EPHA3: variants seen among roughly 807,000 people sequenced by gnomAD.
The protein encoded by EPHA3 is EPH receptor A3, also known as ephrin type-A receptor 3.
A neutral mutation model predicts 107.1 loss-of-function variants in EPHA3; 42 were observed. The ratio of observed to expected loss-of-function variants is 0.39; its 90% CI spans 0.31 to 0.51. The LOEUF (loss-of-function observed/expected upper bound fraction) is 0.51, where lower values mean the gene tolerates loss of function less well. EPHA3 is among the 20% of genes least tolerant of loss of function. The pLI is 0.78. For synonymous variants in EPHA3, 461 were observed against 424.8 expected, an observed-to-expected ratio of 1.09 and a Z score of -1.05; for missense variants, 1,183 against 1,211.2, an observed-to-expected ratio of 0.98 and a Z score of 0.35.
intron 3 of EPHA3, among the ~76,000 whole-genome samples, chr3:89,235,168 C>A (rs956307951): frequency 6.6e-6 from 1 of 151,626 alleles, no homozygotes; most frequent in African/African-American, 2.4e-5. Context: ...GTGATCCACC[C>A]ACCTCGACGT....
intron 5 of EPHA3, among the ~76,000 whole-genome samples, chr3:89,361,054 G>C (rs1460909346): frequency 6.6e-6 from 1 of 150,888 alleles, no homozygotes; most frequent in Non-Finnish European, 1.5e-5. Flanking sequence ...TGGGCACTTG[G>C]CAAGTCTTTC....
chr3:89,445,544 AGCACT>A (rs1709862898), intron 13 of EPHA3, among the ~76,000 whole-genome samples: 1 of 152,190 alleles, frequency 6.6e-6, no homozygotes, highest in African/African-American at 2.4e-5. Context: ...AAACATTTAA[AGCACT>A]GCACCCTGGT....
chr3:89,360,318 C>T (rs1281990951), intron 5 of EPHA3, among the ~76,000 whole-genome samples: 1 of 150,738 alleles, frequency 6.6e-6, no homozygotes, highest in Non-Finnish European at 1.5e-5. Context: ...ATAATAATTG[C>T]TTGTCCACAT....
intron 3 of EPHA3, among the ~76,000 whole-genome samples, chr3:89,294,678 C>G (rs1425036634): frequency 6.6e-6 from 1 of 152,064 alleles, no homozygotes; most frequent in Non-Finnish European, 1.5e-5. Flanking sequence ...TTTATTTGGG[C>G]CTCCTAAAAT....
chr3:89,114,957 G>T lies in EPHA3; in HGVS notation c.88+7121G>T, dbSNP rs1223599059. Among the ~76,000 whole-genome samples, 6 of 152,178 alleles carry T rather than the reference G, an allele frequency of 3.9e-5. No individual in the cohort carries two copies. The South Asian group carries it at 8.3e-4, about 21-fold the overall frequency. On this transcript the variant is annotated intron_variant, in intron 1 of 16. Transcript: ENST00000336596. ...ATCTACGATCGCCCTGCCGCCTTTC[G>T]CATTGCTGTCAGCTAGGCTTTTCAG...
chr3:89,229,836 C>T (rs1204934725), intron 3 of EPHA3, among the ~76,000 whole-genome samples: 2 of 151,758 alleles, frequency 1.3e-5, no homozygotes, highest in Non-Finnish European at 2.9e-5. Flanking sequence ...AGAACTTGAT[C>T]GTTTATTTTT....
rs566164695 is a variant in EPHA3 at position 89,229,762 on chromosome 3, T to C, written c.814+19242T>C. Among the ~76,000 whole-genome samples, 13 of 151,950 alleles carry C rather than the reference T, an allele frequency of 8.6e-5. No homozygotes were observed. The South Asian group carries it at 1.5e-3, about 17-fold the overall frequency. On this transcript the variant is annotated intron_variant, in intron 3 of 16. Transcript: ENST00000336596. ...TTAGCATAATATTTTAAATGGCGAG[T>C]TAATTGGAAATATGAACCCAAGGGA...
intron 2 of EPHA3, among the ~76,000 whole-genome samples, chr3:89,193,719 AAAT>A (rs1285153379): frequency 6.6e-6 from 1 of 152,004 alleles, no homozygotes; most frequent in Non-Finnish European, 1.5e-5. Context: ...TTGTCAATTA[AAAT>A]AATATTTTAA....
rs572467749 is a variant in EPHA3 at position 89,221,315 on chromosome 3, A to G, written c.814+10795A>G. ...TGGGAGTGATTGTGTTCCTTAAGCT[A>G]TTCACTTGTTTTTGCTTTTTGGATA... is the stretch of plus-strand genomic sequence containing the variant. On this transcript the variant is annotated intron_variant, in intron 3 of 16. Coordinates refer to ENST00000336596, the MANE Select transcript of EPHA3 (RefSeq NM_005233.6). 2.5e-4 allele frequency among the ~76,000 whole-genome samples: 38 copies of G among 152,228 alleles called. No individual in the cohort carries two copies. In the East Asian group the frequency reaches 6.6e-3, roughly 26 times the overall value.
chr3:89,454,850 C>T (rs991234832), intron 15 of EPHA3, among the ~76,000 whole-genome samples: 2 of 151,752 alleles, frequency 1.3e-5, no homozygotes, highest in African/African-American at 4.8e-5. Flanking sequence ...TTAAATGGGC[C>T]AGGCATGGTG....
rs546603456 is a variant in EPHA3 at position 89,295,683 on chromosome 3, C to T, written c.815-45233C>T. Reference sequence around the variant, plus strand: ...CTCAGCTCGCTGCAACCTCTGCCACCGGGTTCAAGAGATTCTCATGCCTCA... The same window carrying T: ...CTCAGCTCGCTGCAACCTCTGCCACTGGGTTCAAGAGATTCTCATGCCTCA... On this transcript the variant is annotated intron_variant, in intron 3 of 16. Transcript: ENST00000336596. Among the ~76,000 whole-genome samples the T allele has an allele frequency of 5.4e-3, 826 of 152,204 alleles. 3 individuals are homozygous for T. The highest frequency in any genetic ancestry group is 8.3e-3 in the Non-Finnish European group (563 of 67,994).
chr3:89,374,307 T>C (rs1708363271), intron 5 of EPHA3, among the ~76,000 whole-genome samples: 1 of 151,894 alleles, frequency 6.6e-6, no homozygotes, highest in East Asian at 1.9e-4. Flanking sequence ...GAAAACGTCA[T>C]GAGTGCCTAC....
At chr3:89,454,184 C>T (rs183929990) in intron 15 of EPHA3, among the ~76,000 whole-genome samples, 2 of 152,064 alleles carry the variant, frequency 1.3e-5, no homozygotes, top group Admixed American at 6.6e-5. Context: ...GGTGATATTG[C>T]TTGTCAATAT....
chr3:89,379,240 G>A (rs1014487251), intron 5 of EPHA3, among the ~76,000 whole-genome samples: 23 of 152,212 alleles, frequency 1.5e-4, no homozygotes, highest in African/African-American at 5.5e-4. Context: ...ATTTGTTTGG[G>A]ATAAAAAGAG....
At chr3:89,396,061 G>A (rs1032475079) in intron 6 of EPHA3, 100 bp downstream of exon 6, 10 of 1,502,196 alleles carry the variant, frequency 6.7e-6, no homozygotes, top group Middle Eastern at 1.8e-4. Context: ...CTGGTAAATG[G>A]TAGAGCACTG....
At chr3:89,125,222 A>G (rs1704069809) in intron 1 of EPHA3, among the ~76,000 whole-genome samples, 1 of 151,796 alleles carries the variant, frequency 6.6e-6, no homozygotes, top group Non-Finnish European at 1.5e-5. Flanking sequence ...TTAAACCCCT[A>G]AGGACATTGC....
chr3:89,443,919 G>GA (rs967126888), intron 13 of EPHA3, among the ~76,000 whole-genome samples: 18 of 151,884 alleles, frequency 1.2e-4, no homozygotes, highest in African/African-American at 4.1e-4. Flanking sequence ...CAGAAAAAAG[G>GA]AAAAAAAGCC....
chr3:89,244,586 ATAG>A (rs1704988502), intron 3 of EPHA3, among the ~76,000 whole-genome samples: 1 of 152,276 alleles, frequency 6.6e-6, no homozygotes, highest in African/African-American at 2.4e-5. Context: ...TAAACTTTGA[ATAG>A]TAGTATTTTC....
rs185105838 is a variant in EPHA3, at chr3:89,229,475, C to T, written c.814+18955C>T. ...ATATCTATCTTAAATGGGAAAAAAG[C>T]CTAGCTCATCTCAGTATGACATCAA... is the stretch of plus-strand genomic sequence containing the variant. On this transcript the variant is annotated intron_variant, in intron 3 of 16. Coordinates refer to ENST00000336596, the MANE Select transcript of EPHA3 (RefSeq NM_005233.6). 4.0e-4 allele frequency among the ~76,000 whole-genome samples: 60 copies of T among 151,240 alleles called. No individual in the cohort carries two copies. In the East Asian group the frequency reaches 7.2e-3, roughly 18 times the overall value.
Sources: allele counts gnomAD v4.1 joint callset (sites outside exome capture counted in the v4.1 genomes callset), GRCh38; gene constraint gnomAD v4.1.1; transcripts MANE v1.5; gene names NCBI Gene and HGNC (gene_info 2026-07-23, HGNC 2026-07-21).